The following CTNNA3 variants were observed in gnomAD, a reference collection of about 807,000 sequenced individuals.
CTNNA3 encodes catenin alpha-3.
Under a neutral mutation model 95.7 loss-of-function variants are expected in CTNNA3, and 76 were observed. That is an observed-to-expected ratio of 0.79 (90% CI 0.66 to 0.96). The LOEUF is 0.96. CTNNA3 is among the 40% of genes least tolerant of loss of function. CTNNA3 has a pLI of 0.00. For synonymous variants in CTNNA3, 431 were observed against 374.4 expected (o/e 1.15, Z -1.74); for missense variants, 1,191 against 1,089.8 (o/e 1.09, Z -1.31).
chr10:66,963,363 T>C (rs1193079208), intron 7 of CTNNA3, among the ~76,000 whole-genome samples: 5 of 152,178 alleles, frequency 3.3e-5, no homozygotes, highest in Non-Finnish European at 7.3e-5. Flanking sequence ...TTGCTTGTAG[T>C]ATGGAAAATG....
intron 1 of CTNNA3, among the ~76,000 whole-genome samples, chr10:67,680,010 T>C (rs1840597704): frequency 6.6e-6 from 1 of 152,244 alleles, no homozygotes; most frequent in African/African-American, 2.4e-5. Flanking sequence ...ATTCTTTCAT[T>C]GGTCTGACTT....
chr10:66,886,722 C>T (rs868180602), intron 7 of CTNNA3, among the ~76,000 whole-genome samples: 4 of 152,124 alleles, frequency 2.6e-5, no homozygotes, highest in Admixed American at 2.0e-4. Flanking sequence ...CCATTCCATA[C>T]CTGCATCCCG....
intron 11 of CTNNA3, among the ~76,000 whole-genome samples, chr10:66,473,454 T>C (rs1241281638): frequency 6.6e-6 from 1 of 152,014 alleles, no homozygotes; most frequent in Non-Finnish European, 1.5e-5. Context: ...CTTTCAACCA[T>C]GTGAAACTGT....
intron 5 of CTNNA3, among the ~76,000 whole-genome samples, chr10:67,521,447 C>A (rs113444461): frequency 1.7e-4 from 26 of 152,254 alleles, no homozygotes; most frequent in African/African-American, 5.3e-4. Context: ...CTTAATGTTG[C>A]ATGTACACCC....
chr10:66,185,952 C>T (rs7086512), intron 13 of CTNNA3, among the ~76,000 whole-genome samples: 21,165 of 151,694 alleles, frequency 0.14, 2,434 homozygotes, highest in African/African-American at 0.32. Flanking sequence ...TATATATACA[C>T]ATACACATAT....
chr10:66,597,092 C>A (rs1168017100), intron 10 of CTNNA3, among the ~76,000 whole-genome samples: 2 of 151,452 alleles, frequency 1.3e-5, no homozygotes, highest in African/African-American at 4.9e-5. Context: ...GAAAAAAGAA[C>A]CAGTGAATTC....
In CTNNA3 at chr10:67,685,393, A is replaced by G. The variant is rs182013867; in HGVS notation, c.-6+10607T>C. ...AGGCAATTTTCCTAACTCTGCTTCT[A>G]CAAGAGTTTCCTTATCACTTACTGA... is the stretch of plus-strand genomic sequence containing the variant. On this transcript the variant is annotated intron_variant, in intron 1 of 17. Transcript: ENST00000433211. Among the ~76,000 whole-genome samples, 91 of 152,344 alleles carry G rather than the reference A, an allele frequency of 6.0e-4. 2 individuals carry two copies. Among genetic ancestry groups the G allele is most frequent in the African/African-American group, 2.1e-3 (87 of 41,572 alleles).
chr10:65,973,964 T>C (rs1442660299), intron 16 of CTNNA3, among the ~76,000 whole-genome samples: 2 of 152,100 alleles, frequency 1.3e-5, no homozygotes, highest in African/African-American at 4.8e-5. Flanking sequence ...AAAGAAGACA[T>C]ACAAGTGGCC....
At chr10:66,155,538 C>A (rs1456353245) in intron 13 of CTNNA3, among the ~76,000 whole-genome samples, 1 of 151,766 alleles carries the variant, frequency 6.6e-6, no homozygotes, top group Non-Finnish European at 1.5e-5. Flanking sequence ...AGTCCAGAAA[C>A]AAACCCACAC....
At chr10:67,266,737 A>T (rs986473320) in intron 5 of CTNNA3, among the ~76,000 whole-genome samples, 1 of 152,196 alleles carries the variant, frequency 6.6e-6, no homozygotes, top group African/African-American at 2.4e-5. Flanking sequence ...TTTAAGATCT[A>T]TGTCACAGCA....
intron 5 of CTNNA3, among the ~76,000 whole-genome samples, chr10:67,228,197 T>G (rs984641439): frequency 6.6e-6 from 1 of 151,762 alleles, no homozygotes; most frequent in African/African-American, 2.4e-5. Flanking sequence ...CTAAATGAAA[T>G]CGAAACAAAA....
At chr10:66,406,363 T>G (rs1381077207) in intron 11 of CTNNA3, among the ~76,000 whole-genome samples, 1 of 151,870 alleles carries the variant, frequency 6.6e-6, no homozygotes, top group Non-Finnish European at 1.5e-5. Flanking sequence ...ACTGTGGGGG[T>G]TTTTATGTTC....
chr10:65,930,215 A>C lies in CTNNA3; in HGVS notation c.2401-9598T>G, dbSNP rs558228387. Among the ~76,000 whole-genome samples, 1,092 of 150,872 alleles carry C rather than the reference A, an allele frequency of 7.2e-3. 17 individuals carry two copies. Among genetic ancestry groups the C allele is most frequent in the African/African-American group, 0.025 (1,024 of 41,148 alleles). On this transcript the variant is annotated intron_variant, in intron 17 of 17. Transcript: ENST00000433211. The stretch of plus-strand genomic sequence containing the variant: ...AGAGCTCAGTAAAAAAAAAAAAAAA[A>C]AAAAAAAAAAACAGAAACTACTGTA...
intron 7 of CTNNA3, among the ~76,000 whole-genome samples, chr10:67,027,880 T>C (rs1564841050): frequency 1.3e-5 from 2 of 152,236 alleles, no homozygotes; most frequent in Non-Finnish European, 2.9e-5. Flanking sequence ...TTCTGAATGA[T>C]AAGCTCTTAA....
At chr10:67,395,634 G>C (rs992893612) in intron 5 of CTNNA3, among the ~76,000 whole-genome samples, 2 of 152,114 alleles carry the variant, frequency 1.3e-5, no homozygotes, top group Non-Finnish European at 2.9e-5. Context: ...TATTGGAAAA[G>C]TACAAACAGA....
intron 14 of CTNNA3, among the ~76,000 whole-genome samples, chr10:66,092,683 T>C (rs2081255076): frequency 6.6e-6 from 1 of 151,942 alleles, no homozygotes; most frequent in African/African-American, 2.4e-5. Context: ...ACTAAAGATA[T>C]AGAACTTTGG....
In CTNNA3 at chr10:67,725,917, C is replaced by A. The variant is rs1391796447; in HGVS notation, c.-2+37517G>T. 4.5e-5 allele frequency among the ~76,000 whole-genome samples: 5 copies of A among 111,708 alleles called. No individual in the cohort carries two copies. In the South Asian group the frequency reaches 1.4e-3, roughly 31 times the overall value. 73.3% of individuals were successfully genotyped at this position (111,708 alleles called of 152,430 possible). A position where few individuals can be genotyped will look rare whatever the true frequency, so the allele number is the denominator to read the frequency against. On this transcript the variant is annotated intron_variant, in intron 1 of 17. Transcript: ENST00000684154. ...ATAATATATATAATTATATATTGTACATAATATATAATTATATAATTATTT... is the reference window on the plus strand; with the variant it reads ...ATAATATATATAATTATATATTGTAAATAATATATAATTATATAATTATTT...
intron 13 of CTNNA3, among the ~76,000 whole-genome samples, chr10:66,209,201 T>C (rs2087960551): frequency 6.6e-6 from 1 of 152,130 alleles, no homozygotes; most frequent in Admixed American, 6.6e-5. Context: ...CATTTATTCA[T>C]TGAACAAATA....
At chr10:67,308,526 T>C (rs1057396588) in intron 5 of CTNNA3, among the ~76,000 whole-genome samples, 22 of 152,200 alleles carry the variant, frequency 1.4e-4, no homozygotes, top group Admixed American at 2.6e-4. Context: ...AATTACCCCA[T>C]CTTGGGCATT....
Sources: allele counts gnomAD v4.1 joint callset (sites outside exome capture counted in the v4.1 genomes callset), GRCh38; gene constraint gnomAD v4.1.1; transcripts MANE v1.5; gene names NCBI Gene and HGNC (gene_info 2026-07-23, HGNC 2026-07-21).